Variants in HLTF observed in about 807,000 individuals in gnomAD.
The protein encoded by HLTF is DNA-dependent ATPase/E3 ubiquitin-protein ligase HLTF.
Under a neutral mutation model 129.4 loss-of-function variants are expected in HLTF, and 127 were observed. The observed-to-expected ratio is 0.98, with a 90% CI of 0.85 to 1.14. The LOEUF (loss-of-function observed/expected upper bound fraction) is 1.14. HLTF is among the 50% of genes most tolerant of loss of function. The pLI is 0.00. For missense variants in HLTF, 1,139 were observed against 1,187.1 expected, an observed-to-expected ratio of 0.96 and a Z score of 0.60; for synonymous variants, 332 against 388.8, an observed-to-expected ratio of 0.85 and a Z score of 1.72.
At chr3:149,042,580 G>A (rs1716223181) in intron 18 of HLTF, among the ~76,000 whole-genome samples, 1 of 152,048 alleles carries the variant, frequency 6.6e-6, no homozygotes, top group South Asian at 2.1e-4. Context: ...AAAATGGATG[G>A]CATGCCCTGA....
At chr3:149,039,461 T>C (rs1715931132) in intron 22 of HLTF, 120 bp downstream of exon 22, 1 of 618,844 alleles carries the variant, frequency 1.6e-6, no homozygotes, top group Admixed American at 3.6e-5. Context: ...TGACTCTGAA[T>C]ATCTTTCAGA....
chr3:149,079,959 T>C (rs909414777), intron 2 of HLTF, among the ~76,000 whole-genome samples: 4 of 152,230 alleles, frequency 2.6e-5, no homozygotes, highest in Admixed American at 2.0e-4. Context: ...ATAAATTAAG[T>C]TGTTAATTGT....
Position 149,086,356 on chromosome 3 carries a change from A to T in HLTF, c.-20T>A. 1 of 1,584,318 alleles carries T rather than the reference A, an allele frequency of 6.3e-7. No homozygotes were observed. The highest frequency in any genetic ancestry group is 1.2e-5 in the South Asian group (1 of 86,884). On this transcript the variant is annotated 5_prime_UTR_variant, in exon 1 of 25. It adds an upstream start codon to the 5' untranslated region. Transcript: ENST00000310053. ...GGACATGGCGCTGAGTGGGATGACA[A>T]GAGGAGCGCCTCGGCTCCCCTGGAT...
intron 22 of HLTF, 119 bp downstream of exon 22, chr3:149,039,462 A>G (rs2107961090): frequency 1.6e-6 from 1 of 617,300 alleles, no homozygotes; most frequent in Non-Finnish European, 2.7e-6. Flanking sequence ...GACTCTGAAT[A>G]TCTTTCAGAT....
intron 18 of HLTF, among the ~76,000 whole-genome samples, chr3:149,045,338 G>A (rs925969830): frequency 9.9e-5 from 15 of 151,844 alleles, no homozygotes; most frequent in Non-Finnish European, 1.5e-5. Flanking sequence ...ATCCCCTTTC[G>A]TTGCTTTATT....
chr3:149,046,000 A>G, intron 18 of HLTF, 80 bp downstream of exon 18: 1 of 984,254 alleles, frequency 1.0e-6, no homozygotes, highest in Non-Finnish European at 1.5e-6. Context: ...TATTGCTAAC[A>G]CATCTAAATA....
chr3:149,067,238 T>G (rs1346940655), intron 8 of HLTF, among the ~76,000 whole-genome samples: 1 of 151,642 alleles, frequency 6.6e-6, no homozygotes, highest in Non-Finnish European at 1.5e-5. Flanking sequence ...ACCCTTATTC[T>G]CATCACTAGG....
In HLTF at chr3:149,039,630, C is replaced by A. The variant is rs762428846; in HGVS notation, c.2566G>T (p.Val856Phe). 6.2e-7 allele frequency: 1 copy of A among 1,606,758 alleles called. No homozygotes were observed. Among genetic ancestry groups the A allele is most frequent in the Non-Finnish European group, 8.5e-7 (1 of 1,176,410 alleles). Residue 856 changes from valine to phenylalanine, a missense_variant, in exon 22 of 25, where the codon GTT becomes TTT. Val to Phe is a conservative substitution (Grantham distance 50, BLOSUM62 -1). Transcript: ENST00000310053. ...AGGAATGTTGTAAACTGAGAAACAACCAAACTTTTTATGTTGGGATTCTTC... is the reference window on the plus strand; with the variant it reads ...AGGAATGTTGTAAACTGAGAAACAAACAAACTTTTTATGTTGGGATTCTTC... ...RKKNPNIKSL[V>F]VSQFTTFLSL...
rs775992341 is a variant in HLTF at position 149,068,322 on chromosome 3, G to A, written c.908C>T (p.Thr303Met). ...GTTGGTAAGGATTACTGCAATGGCC[G>A]TAAGAGTTTTACCCTTAAAAATGTT... The part of the protein sequence containing the change: ...ADDMGLGKTL[T>M]AIAVILTNFH... Residue 303 changes from threonine (T) to methionine (M), a missense_variant, in exon 8 of 25, where the codon ACG (threonine) becomes ATG (methionine). By Grantham distance (81) the Thr-to-Met change is moderately conservative (BLOSUM62 -1). Transcript: ENST00000310053. The A allele has an allele frequency of 1.5e-5, 23 of 1,485,982 alleles. 1 individual carries two copies. The highest frequency in any genetic ancestry group is 5.8e-5 in the South Asian group (5 of 85,652). 92.0% of individuals were successfully genotyped at this position (1,485,982 alleles called of 1,614,324 possible). A position where few individuals can be genotyped will look rare whatever the true frequency, so the allele number is the denominator to read the frequency against.
intron 2 of HLTF, among the ~76,000 whole-genome samples, chr3:149,078,356 G>A (rs1719564850): frequency 6.6e-6 from 1 of 151,936 alleles, no homozygotes; most frequent in South Asian, 2.1e-4. Context: ...GACCAGCCTG[G>A]GAAACATAGC....
rs569702797 is a variant in HLTF, at chr3:149,073,197, T to C, written c.627+28A>G. ...ACCTGCAACATTTAAAATTCACTTT[T>C]AGATTACAAAATAAAAGAGAAGCAC... On this transcript the variant is annotated intron_variant, in intron 5 of 24. Coordinates refer to ENST00000310053, the MANE Select transcript of HLTF (RefSeq NM_003071.4). 2.7e-6 allele frequency: 4 copies of C among 1,474,516 alleles called. No homozygotes were observed. The African/African-American group carries it at 4.2e-5, about 16-fold the overall frequency. The allele number at this position is 1,474,516 out of a possible 1,614,324, so 91.3% of individuals were successfully genotyped here. A position where few individuals can be genotyped will look rare whatever the true frequency, so the allele number is the denominator to read the frequency against.
chr3:149,045,420 A>C (rs1228976883), intron 18 of HLTF, among the ~76,000 whole-genome samples: 1 of 152,098 alleles, frequency 6.6e-6, no homozygotes, highest in African/African-American at 2.4e-5. Context: ...GAGTGCAGGC[A>C]TTTTTGTCTG....
In HLTF at chr3:149,032,058, T is replaced by C. The variant is rs568994187; in HGVS notation, c.*162A>G. 235 of 471,254 alleles carry C rather than the reference T, an allele frequency of 5.0e-4. 1 individual carries two copies. Among genetic ancestry groups the C allele is most frequent in the East Asian group, 6.7e-4 (19 of 28,442 alleles). 29.2% of individuals were successfully genotyped at this position (471,254 alleles called of 1,614,324 possible). ...TATTTGAAGTTTCATTAAAAATAGG[T>C]TCATATATAGAAGAAATTGTGTCAG... On this transcript the variant is annotated 3_prime_UTR_variant, in exon 25 of 25. Transcript: ENST00000310053.
chr3:149,058,284 C>T (rs1306052162), intron 13 of HLTF, among the ~76,000 whole-genome samples: 1 of 152,018 alleles, frequency 6.6e-6, no homozygotes, highest in African/African-American at 2.4e-5. Context: ...ATGTTGCCCA[C>T]CCCTGATCTT....
intron 9 of HLTF, 99 bp downstream of exon 9, chr3:149,064,692 T>C (rs1576607529): frequency 2.5e-6 from 2 of 786,056 alleles, no homozygotes; most frequent in East Asian, 5.0e-5. Flanking sequence ...AAACTAGAAT[T>C]ACAATATTAG....
At chr3:149,073,157 T>C (rs1368271064) in intron 5 of HLTF, 68 bp downstream of exon 5, 1 of 1,009,374 alleles carries the variant, frequency 9.9e-7, no homozygotes, top group East Asian at 2.5e-5. Flanking sequence ...ATTCATCCTG[T>C]TCTTTTAAAT....
At chr3:149,045,708 T>C (rs1360491136) in intron 18 of HLTF, among the ~76,000 whole-genome samples, 1 of 152,230 alleles carries the variant, frequency 6.6e-6, no homozygotes, top group African/African-American at 2.4e-5. Flanking sequence ...AACCTGATCT[T>C]GCTTGGACCA....
intron 8 of HLTF, among the ~76,000 whole-genome samples, chr3:149,067,298 T>C (rs1353794838): frequency 6.6e-6 from 1 of 151,978 alleles, no homozygotes; most frequent in Non-Finnish European, 1.5e-5. Context: ...TGAATGGACT[T>C]AAAACACACA....
intron 23 of HLTF, 94 bp from the exon 24 acceptor site, chr3:149,035,092 T>C: frequency 2.1e-6 from 2 of 957,134 alleles, no homozygotes; most frequent in Non-Finnish European, 3.4e-6. Context: ...ATTCATCTTT[T>C]TCTGACTGAA....
Sources: gnomAD v4.1 joint callset for allele counts (sites outside exome capture counted in the v4.1 genomes callset) on GRCh38, gnomAD v4.1.1 for gene constraint, MANE v1.5 for transcripts, NCBI Gene and HGNC (gene_info 2026-07-23, HGNC 2026-07-21) for gene names.